Variants in CDK13 observed in about 807,000 individuals in gnomAD.
The protein encoded by CDK13 is cyclin-dependent kinase 13.
A neutral mutation model predicts 137.6 loss-of-function variants in CDK13; 40 were observed. The observed-to-expected ratio is 0.29, with a 90% CI of 0.23 to 0.38. The LOEUF (loss-of-function observed/expected upper bound fraction) is 0.38, where lower values mean the gene tolerates loss of function less well. Ranked by LOEUF, CDK13 falls within the 10% of genes least tolerant of loss-of-function variation. The probability of loss-of-function intolerance (pLI) is 1.00; values close to 1 mark genes in which losing one functional copy is unlikely to be tolerated. For synonymous variants in CDK13, 869 were observed against 760.1 expected, an observed-to-expected ratio of 1.14 and a Z score of -2.36; for missense variants, 1,704 against 1,951.8, an observed-to-expected ratio of 0.87 and a Z score of 2.39.
At chr7:39,953,462 G>A (rs1034217299) in intron 1 of CDK13, among the ~76,000 whole-genome samples, 1 of 152,104 alleles carries the variant, frequency 6.6e-6, no homozygotes, top group African/African-American at 2.4e-5. Context: ...TACTTATCAG[G>A]TTTTTTAGTT....
At chr7:40,083,908 G>C (rs932629658) in intron 11 of CDK13, among the ~76,000 whole-genome samples, 1 of 151,752 alleles carries the variant, frequency 6.6e-6, no homozygotes, top group African/African-American at 2.4e-5. Context: ...GATATAATGA[G>C]TAGTTAAAAT....
At chr7:39,961,744 T>G (rs995035535) in intron 1 of CDK13, among the ~76,000 whole-genome samples, 3 of 152,114 alleles carry the variant, frequency 2.0e-5, no homozygotes. Flanking sequence ...CATTAACTCA[T>G]CATTTAACAT....
intron 1 of CDK13, chr7:39,952,407 A>C (rs1297571281): frequency 6.6e-6 from 1 of 152,226 alleles, no homozygotes; most frequent in Non-Finnish European, 1.5e-5. Context: ...TATGTTAAAA[A>C]AGCTTAGGTG....
At chr7:39,976,037 C>T (rs1784097541) in intron 1 of CDK13, among the ~76,000 whole-genome samples, 1 of 152,122 alleles carries the variant, frequency 6.6e-6, no homozygotes, top group South Asian at 2.1e-4. Context: ...CAGGATCACA[C>T]CTGTACTCCC....
chr7:40,038,760 A>C (rs1252365992), intron 5 of CDK13, among the ~76,000 whole-genome samples: 1 of 151,744 alleles, frequency 6.6e-6, no homozygotes, highest in Non-Finnish European at 1.5e-5. Context: ...CAATGGCATG[A>C]TCTTGGCTTA....
chr7:39,986,034 T>C (rs1003521848), intron 1 of CDK13: 1 of 152,166 alleles, frequency 6.6e-6, no homozygotes, highest in Non-Finnish European at 1.5e-5. Flanking sequence ...GCATATCTGT[T>C]GGGGTCAGCA....
At chr7:40,047,722 T>G (rs1244398800) in intron 6 of CDK13, 99 bp from the exon 7 acceptor site, 1 of 149,346 alleles carries the variant, frequency 6.7e-6, no homozygotes, top group East Asian at 7.9e-5. Flanking sequence ...TTTACATAGG[T>G]TTTTTTTTTT....
At chr7:40,007,468 C>T (rs1156542918) in intron 5 of CDK13, among the ~76,000 whole-genome samples, 1 of 152,146 alleles carries the variant, frequency 6.6e-6, no homozygotes, top group African/African-American at 2.4e-5. Flanking sequence ...GCTCTGTCAC[C>T]CAGGCTGGAG....
chr7:39,994,833 T>C (rs936841649), intron 2 of CDK13, among the ~76,000 whole-genome samples: 2 of 152,136 alleles, frequency 1.3e-5, no homozygotes, highest in Non-Finnish European at 2.9e-5. Context: ...TAATTTTTCT[T>C]TTTGAGAAAC....
rs1464283171 is a variant in CDK13, at chr7:40,060,513, T to C, written c.2601-2313T>C. Among the ~76,000 whole-genome samples the C allele has an allele frequency of 2.0e-5, 3 of 152,312 alleles. No individual in the cohort carries two copies. The South Asian group carries it at 6.2e-4, about 32-fold the overall frequency. On this transcript the variant is annotated intron_variant, in intron 7 of 13. Transcript: ENST00000181839. The stretch of plus-strand genomic sequence containing the variant: ...TGTCATCTAAAGTTAGAGGGCAATA[T>C]ACATTAAGGTGCCTGACCTGTGCCC...
chr7:40,022,014 T>G (rs992793612), intron 5 of CDK13, among the ~76,000 whole-genome samples: 1 of 152,210 alleles, frequency 6.6e-6, no homozygotes, highest in Non-Finnish European at 1.5e-5. Context: ...ACTCTTTATA[T>G]TCCTACCACC....
chr7:40,024,666 T>C (rs1168537538), intron 5 of CDK13, among the ~76,000 whole-genome samples: 4 of 132,340 alleles, frequency 3.0e-5, no homozygotes, highest in Non-Finnish European at 6.3e-5. Context: ...TTTTTTTTTT[T>C]TTTTTTTTTT....
Position 39,951,475 on chromosome 7 carries a change from C to T in CDK13, c.834C>T (p.Ala278=), listed in dbSNP as rs367808094. The change falls in exon 1 of 14, where the codon GCC becomes GCT. Residue 278 remains alanine, a synonymous_variant. Coordinates refer to ENST00000181839, the MANE Select transcript of CDK13 (RefSeq NM_003718.5). ...GCCGCAAGGACCGGGACTCGAAGGCCCACCGCAGCCGGACTAAGTCGTCCA... is the reference window on the plus strand; with the variant it reads ...GCCGCAAGGACCGGGACTCGAAGGCTCACCGCAGCCGGACTAAGTCGTCCA... ...SSSRKDRDSK[A]HRSRTKSSKE... is the part of the protein sequence containing the mutation. 4.6e-6 allele frequency: 7 copies of T among 1,538,256 alleles called. No individual in the cohort carries two copies. Among genetic ancestry groups the T allele is most frequent in the Non-Finnish European group, 6.1e-6 (7 of 1,143,336 alleles).
intron 1 of CDK13, among the ~76,000 whole-genome samples, chr7:39,971,023 C>A (rs1440884320): frequency 6.6e-6 from 1 of 152,094 alleles, no homozygotes; most frequent in Non-Finnish European, 1.5e-5. Flanking sequence ...GGTGTGGAAT[C>A]CTAAACTGAA....
intron 11 of CDK13, among the ~76,000 whole-genome samples, chr7:40,081,055 G>A (rs1786653461): frequency 6.6e-6 from 1 of 151,850 alleles, no homozygotes; most frequent in Non-Finnish European, 1.5e-5. Flanking sequence ...TATTTGTTAT[G>A]TCCTTTTCAT....
rs562540581 is a variant in CDK13 at position 40,018,558 on chromosome 7, CAT to C, written c.2353+16528_2353+16529del. On this transcript the variant is annotated intron_variant, in intron 5 of 13. Coordinates refer to ENST00000181839, the MANE Select transcript of CDK13 (RefSeq NM_003718.5). ...TAAAGAAAATGTGGTTTGTATACAC[CAT>C]GGAATACTACTCAGCCATAAAAAAG... Among the ~76,000 whole-genome samples the C allele has an allele frequency of 1.9e-4, 29 of 152,160 alleles. No individual in the cohort carries two copies. In the South Asian group the frequency reaches 6.0e-3, roughly 32 times the overall value.
chr7:39,968,547 A>G (rs1443309270), intron 1 of CDK13, among the ~76,000 whole-genome samples: 1 of 152,176 alleles, frequency 6.6e-6, no homozygotes, highest in Admixed American at 6.5e-5. Flanking sequence ...TCCCATCACC[A>G]TTTATTGAAG....
At chr7:40,068,833 A>G (rs1357768953) in intron 9 of CDK13, among the ~76,000 whole-genome samples, 2 of 152,118 alleles carry the variant, frequency 1.3e-5, no homozygotes, top group Non-Finnish European at 2.9e-5. Context: ...AAAGACTCAA[A>G]TTGTTAATCT....
At chr7:40,023,713 A>G (rs1206703425) in intron 5 of CDK13, among the ~76,000 whole-genome samples, 4 of 151,560 alleles carry the variant, frequency 2.6e-5, no homozygotes, top group Non-Finnish European at 5.9e-5. Flanking sequence ...GTTAGCCAGG[A>G]TGGTCTCGTG....
Sources: allele counts gnomAD v4.1 joint callset (sites outside exome capture counted in the v4.1 genomes callset), GRCh38; gene constraint gnomAD v4.1.1; transcripts MANE v1.5; gene names NCBI Gene and HGNC (gene_info 2026-07-23, HGNC 2026-07-21).